ROBO4: variants seen among roughly 807,000 people sequenced by gnomAD.
ROBO4 encodes the protein roundabout guidance receptor 4, also known as roundabout homolog 4.
Under a neutral mutation model 103.3 loss-of-function variants are expected in ROBO4, and 80 were observed. The observed-to-expected ratio is 0.77, with a 90% confidence interval of 0.65 to 0.93. ROBO4 has a LOEUF of 0.93. Ranked by LOEUF, ROBO4 falls within the 40% of genes least tolerant of loss-of-function variation. The pLI, the probability that ROBO4 is intolerant of heterozygous loss-of-function variation, is 0.00. For missense variants in ROBO4, 1,333 were observed against 1,305.3 expected (o/e 1.02, Z -0.33); for synonymous variants, 504 against 529.7 (o/e 0.95, Z 0.67).
rs1220289128 is a variant in ROBO4 at position 124,894,500 on chromosome 11, C to G, written c.1150-131G>C. 4.9e-6 allele frequency: 4 copies of G among 819,036 alleles called. No homozygotes were observed. In the Admixed American group the frequency reaches 8.4e-5, roughly 17 times the overall value. 50.7% of individuals were successfully genotyped at this position (819,036 alleles called of 1,614,324 possible). ...CCACTTGGGGAATGCACCCAATTTC[C>G]TATTCCCCTCCTATTCTCCCTACCA... On this transcript the variant is annotated intron_variant, in intron 7 of 17. Transcript: ENST00000306534.
chr11:124,897,630 C>G, intron 1 of ROBO4, 96 bp downstream of exon 1: 1 of 1,034,032 alleles, frequency 9.7e-7, no homozygotes, highest in Admixed American at 1.7e-5. Context: ...TCTGGTCCCC[C>G]CACTGCAAAA....
chr11:124,891,449 G>C lies in ROBO4; in HGVS notation c.1798C>G (p.Gln600Glu), dbSNP rs1041512303. 9 of 1,604,540 alleles carry C rather than the reference G, an allele frequency of 5.6e-6. No homozygotes were observed. In the African/African-American group the frequency reaches 1.2e-4, roughly 21 times the overall value. The change falls in exon 12 of 18, where the codon CAG becomes GAG. Residue 600 changes from glutamine to glutamate, a missense_variant. Gln to Glu is a conservative substitution (Grantham distance 29). Transcript: ENST00000306534. The stretch of plus-strand genomic sequence containing the variant: ...GGGAGGCGCCTGACAGCTGGGACCT[G>C]GGGACTTGGCCTGGCTGGGGTACTG... Reference protein sequence around the residue: ...PSSTPARPSPQVPAVRRLPPQ... With the variant: ...PSSTPARPSPEVPAVRRLPPQ...
chr11:124,891,270 C>T, intron 12 of ROBO4, 29 bp downstream of exon 12: 2 of 1,500,780 alleles, frequency 1.3e-6, no homozygotes, highest in Non-Finnish European at 1.8e-6. Context: ...ACCACCAGCT[C>T]AGTCTATGTC....
chr11:124,886,396 G>C lies in ROBO4; in HGVS notation c.2794+68C>G, dbSNP rs1238025561. 4 of 1,202,830 alleles carry C rather than the reference G, an allele frequency of 3.3e-6. No individual in the cohort carries two copies. In the African/African-American group the frequency reaches 6.1e-5, roughly 18 times the overall value. The allele number at this position is 1,202,830 out of a possible 1,614,324, so 74.5% of individuals were successfully genotyped here. ...TAAAACTAGTTGTTTTAACAATGAT[G>C]ACATGATAACAGTTGTTAGAAAGGC... On this transcript the variant is annotated intron_variant, in intron 16 of 17. Transcript: ENST00000306534.
At position 124,884,866 on chromosome 11, in the gene ROBO4, G is replaced by C. The variant is rs77462182; in HGVS notation, c.*25C>G. On this transcript the variant is annotated 3_prime_UTR_variant, in exon 18 of 18. Transcript: ENST00000306534. ...GACAGGAGAAGTGGTTCTGATTCCC[G>C]TCTGGGAAGTCTCAGGGACACGGTT... 1.9e-4 allele frequency: 310 copies of C among 1,613,996 alleles called. No homozygotes were observed. The highest frequency in any genetic ancestry group is 2.5e-4 in the Non-Finnish European group (299 of 1,179,818).
chr11:124,896,199 C>G lies in ROBO4; in HGVS notation c.678G>C (p.Gln226His). 1 of 1,613,862 alleles carries G rather than the reference C, an allele frequency of 6.2e-7. No individual in the cohort carries two copies. The highest frequency in any genetic ancestry group is 1.1e-5 in the South Asian group (1 of 91,066). ...ATTGTAGCCCACCCCTGCCCTTACC[C>G]TGGATGGAAACCCGGGCTGCGCGGC... The part of the protein sequence containing the change: ...RESRAARVSI[Q>H]EPQDYTEPVE... The change falls in exon 4 of 18, where the codon CAG (glutamine) becomes CAC (histidine). Residue 226 changes from glutamine (Q) to histidine (H), a missense_variant and splice_region_variant. Physicochemically the swap from Gln to His is conservative, Grantham distance 24. Coordinates refer to ENST00000306534, the MANE Select transcript of ROBO4 (RefSeq NM_019055.6).
rs1262380182 is a variant in ROBO4 at position 124,891,751 on chromosome 11, A to G, written c.1599T>C (p.Ser533=). The change falls in exon 11 of 18, where the codon TCT becomes TCC. Residue 533 remains serine, a synonymous_variant. Transcript: ENST00000306534. ...TGCTGCTGCTCAGGTCCCGAGAGCC[A>G]GAGGTGGAACGCCAAGTGTCTGCCA... ...QWLADTWRST[S]GSRDLSSSSS... is the part of the protein sequence containing the mutation. The G allele has an allele frequency of 5.6e-6, 9 of 1,614,080 alleles. No individual in the cohort carries two copies. The South Asian group carries it at 9.9e-5, about 18-fold the overall frequency.
rs1946680926 is a variant in ROBO4 at position 124,884,515 on chromosome 11, C to G, written c.*376G>C. 3.5e-6 allele frequency: 1 copy of G among 285,002 alleles called. No individual in the cohort carries two copies. Among genetic ancestry groups the G allele is most frequent in the Non-Finnish European group, 6.6e-6 (1 of 152,116 alleles). The allele number at this position is 285,002 out of a possible 1,614,324, so 17.7% of individuals were successfully genotyped here. On this transcript the variant is annotated 3_prime_UTR_variant, in exon 18 of 18. Coordinates refer to ENST00000306534, the MANE Select transcript of ROBO4 (RefSeq NM_019055.6). ...TCCTCCACAGCCCTCTCCCAGCAGCCACTGCTGTCCTCCACAAAGGCACCT... is the reference window on the plus strand; with the variant it reads ...TCCTCCACAGCCCTCTCCCAGCAGCGACTGCTGTCCTCCACAAAGGCACCT...
At chr11:124,886,408 G>C (rs1049767185) in intron 16 of ROBO4, 56 bp downstream of exon 16, 2 of 1,334,660 alleles carry the variant, frequency 1.5e-6, no homozygotes, top group Non-Finnish European at 2.1e-6. Flanking sequence ...CATGATAACA[G>C]TTGTTAGAAA....
At chr11:124,893,232 AGT>A (rs1017818242) in intron 10 of ROBO4, among the ~76,000 whole-genome samples, 2 of 152,230 alleles carry the variant, frequency 1.3e-5, no homozygotes, top group Non-Finnish European at 2.9e-5. Flanking sequence ...TTTTGAGAAC[AGT>A]GAGGAAGAAT....
chr11:124,892,486 A>C (rs1591534206), intron 10 of ROBO4: 1 of 167,358 alleles, frequency 6.0e-6, no homozygotes, highest in Non-Finnish European at 1.3e-5. Context: ...CCCATCTCAC[A>C]CCCTATACCC....
Position 124,896,604 on chromosome 11 carries a change from A to C in ROBO4, c.467T>G (p.Leu156Arg). 1 of 1,614,136 alleles carries C rather than the reference A, an allele frequency of 6.2e-7. No individual in the cohort carries two copies. The stretch of plus-strand genomic sequence containing the variant: ...GTGGCCCCAGGGCGGCCCACATTCC[A>C]GAGTAAACTGCTCACCCACCACAGC... ...MVAVVGEQFTLECGPPWGHPE... is the reference protein window; with the variant it reads ...MVAVVGEQFTRECGPPWGHPE... The change falls in exon 3 of 18, where the codon CTG (leucine) becomes CGG (arginine). Residue 156 changes from leucine to arginine, a missense_variant. Transcript: ENST00000306534.
At chr11:124,895,952 GAGTGAC>G in intron 4 of ROBO4, 40 bp from the exon 5 acceptor site, 3 of 1,610,848 alleles carry the variant, frequency 1.9e-6, no homozygotes, top group Non-Finnish European at 2.5e-6. Flanking sequence ...TTATAGGCCA[GAGTGAC>G]AGAACTGAGG....
chr11:124,896,444 T>G, intron 3 of ROBO4, 69 bp downstream of exon 3: 1 of 1,590,160 alleles, frequency 6.3e-7, no homozygotes. Flanking sequence ...GGACGGCAGG[T>G]CAGTCCATCA....
Position 124,894,058 on chromosome 11 carries a change from C to A in ROBO4, c.1319-13G>T. The A allele has an allele frequency of 6.5e-7, 1 of 1,540,182 alleles. No individual in the cohort carries two copies. Among genetic ancestry groups the A allele is most frequent in the Non-Finnish European group, 8.7e-7 (1 of 1,142,934 alleles). On this transcript the variant is annotated splice_polypyrimidine_tract_variant and intron_variant, in intron 8 of 17. Transcript: ENST00000306534. ...TCCATGGCCTGCTCTGTATGGGATG[C>A]AGAGCTCAGAGGGAGAGGGAGTCGA...
chr11:124,894,086 C>T (rs1488639680), intron 8 of ROBO4, 41 bp from the exon 9 acceptor site: 1 of 1,542,432 alleles, frequency 6.5e-7, no homozygotes, highest in Non-Finnish European at 8.7e-7. Flanking sequence ...GGAGTCGAGG[C>T]ATTGAGGGCC....
At chr11:124,887,557 A>AGCCTGCCG in intron 13 of ROBO4, 58 bp from the exon 14 acceptor site, 1 of 1,605,466 alleles carries the variant, frequency 6.2e-7, no homozygotes. Flanking sequence ...TCTGGAGCTC[A>AGCCTGCCG]GCCTGCCGGC....
chr11:124,887,158 G>T lies in ROBO4; in HGVS notation c.2254C>A (p.Pro752Thr), dbSNP rs1228311119. 6.2e-7 allele frequency: 1 copy of T among 1,608,712 alleles called. No homozygotes were observed. Among genetic ancestry groups the T allele is most frequent in the Non-Finnish European group, 8.5e-7 (1 of 1,176,886 alleles). Residue 752 changes from proline (P) to threonine (T), a missense_variant, in exon 15 of 18, where the codon CCC (proline) becomes ACC (threonine). Pro to Thr is a conservative substitution (Grantham distance 38). Transcript: ENST00000306534. The part of the protein sequence containing the change: ...SSILLPAAPI[P>T]ILSPCSPPSP... ...GGGGGACTGCAGGGGCTAAGGATGG[G>T]GATGGGGGCTGCTGGCAGCAGGATG...
rs1565322640 is a variant in ROBO4, at chr11:124,887,749, G to T, written c.2040C>A (p.Asn680Lys). The change falls in exon 13 of 18, where the codon AAC becomes AAA. Residue 680 changes from asparagine to lysine, a missense_variant. Transcript: ENST00000306534. ...CCCTCTCACCTGGGCTTTGGGAAAG[G>T]TTCTTGGAACCTCTATTTCCTAACT... ...ACELGNRGSK[N>K]LSQSPGAVPQ... 7 of 1,614,030 alleles carry T rather than the reference G, an allele frequency of 4.3e-6. No individual in the cohort carries two copies. Among genetic ancestry groups the T allele is most frequent in the Middle Eastern group, 1.7e-4 (1 of 6,058 alleles).
Sources: gnomAD v4.1 joint callset for allele counts (sites outside exome capture counted in the v4.1 genomes callset) on GRCh38, gnomAD v4.1.1 for gene constraint, MANE v1.5 for transcripts, NCBI Gene and HGNC (gene_info 2026-07-23, HGNC 2026-07-21) for gene names.